APPL2: variants seen among roughly 807,000 people sequenced by gnomAD.
APPL2 encodes the protein DCC-interacting protein 13-beta.
In APPL2, 84 loss-of-function variants were observed where a neutral mutation model predicts 92.7. That is an observed-to-expected ratio of 0.91 (90% CI 0.76 to 1.09). The LOEUF (loss-of-function observed/expected upper bound fraction) is 1.09. APPL2 is among the 50% of genes least tolerant of loss of function. The probability of loss-of-function intolerance (pLI) is 0.00; values close to 1 mark genes in which losing one functional copy is unlikely to be tolerated. For synonymous variants in APPL2, 291 were observed against 291.0 expected (o/e 1.00, Z 0.00); for missense variants, 736 against 824.5 (o/e 0.89, Z 1.31).
In APPL2 at chr12:105,174,095, C is replaced by G; in HGVS notation, c.*219G>C. The stretch of plus-strand genomic sequence containing the variant: ...AGCGCAATCTAAGAAAAAAGACTTA[C>G]CACAAAGCACCTAAAATAACATTGT... On this transcript the variant is annotated 3_prime_UTR_variant, in exon 21 of 21. Coordinates refer to ENST00000258530, the MANE Select transcript of APPL2 (RefSeq NM_018171.5). The G allele has an allele frequency of 2.1e-6, 1 of 475,112 alleles. No homozygotes were observed. The allele number at this position is 475,112 out of a possible 1,614,324, so 29.4% of individuals were successfully genotyped here.
At chr12:105,211,988 G>A (rs190966069) in intron 4 of APPL2, among the ~76,000 whole-genome samples, 120 of 151,826 alleles carry the variant, frequency 7.9e-4, no homozygotes, top group Non-Finnish European at 1.5e-3. Context: ...GCATGGTGGC[G>A]GGCACCTGTA....
intron 17 of APPL2, among the ~76,000 whole-genome samples, chr12:105,187,895 T>C (rs1023548704): frequency 2.0e-5 from 3 of 152,112 alleles, no homozygotes; most frequent in African/African-American, 7.2e-5. Context: ...CTGCTCTCTC[T>C]GTGATGGCCA....
intron 8 of APPL2, among the ~76,000 whole-genome samples, chr12:105,206,093 T>A (rs1209203604): frequency 6.6e-6 from 1 of 152,246 alleles, no homozygotes; most frequent in Non-Finnish European, 1.5e-5. Flanking sequence ...CTGAGAGTAC[T>A]GTTCTGGCAG....
chr12:105,182,221 G>T (rs1033533555), intron 17 of APPL2, among the ~76,000 whole-genome samples: 1 of 152,154 alleles, frequency 6.6e-6, no homozygotes, highest in African/African-American at 2.4e-5. Flanking sequence ...TAGAGACAGG[G>T]TTTCATCATG....
rs564287159 is a variant in APPL2 at position 105,229,364 on chromosome 12, T to C, written c.55-141A>G. ...CCTGTTGGTTCCCTGGCTTCTTTTA[T>C]TGATAGTACCAGTACCATTTGATTC... On this transcript the variant is annotated intron_variant, in intron 1 of 20. Transcript: ENST00000258530. 3.6e-5 allele frequency: 32 copies of C among 888,922 alleles called. 1 individual carries two copies. The African/African-American group carries it at 4.4e-4, about 12-fold the overall frequency. 55.1% of individuals were successfully genotyped at this position (888,922 alleles called of 1,614,324 possible). A position where few individuals can be genotyped will look rare whatever the true frequency, so the allele number is the denominator to read the frequency against.
At chr12:105,199,850 G>A (rs1473217205) in intron 9 of APPL2, among the ~76,000 whole-genome samples, 3 of 151,068 alleles carry the variant, frequency 2.0e-5, no homozygotes, top group South Asian at 2.1e-4. Context: ...ATGGAATCTC[G>A]CTCTGTCGCC....
chr12:105,176,675 C>G, intron 19 of APPL2: 1 of 609,080 alleles, frequency 1.6e-6, no homozygotes, highest in South Asian at 2.6e-5. Flanking sequence ...TCACCCTATT[C>G]TGGTTGATAG....
chr12:105,236,090 C>A lies in APPL2; in HGVS notation c.-78G>T, dbSNP rs1410899918. The A allele has an allele frequency of 5.6e-6, 6 of 1,078,918 alleles. No homozygotes were observed. The highest frequency in any genetic ancestry group is 3.6e-5 in the East Asian group (1 of 28,100). The allele number at this position is 1,078,918 out of a possible 1,614,324, so 66.8% of individuals were successfully genotyped here. ...CGCGGCGGCCGAGAGCACTCCCCGG[C>A]TCTGGGCTCAGGCGACGCGGCGGCC... On this transcript the variant is annotated 5_prime_UTR_variant, in exon 1 of 21. Coordinates refer to ENST00000258530, the MANE Select transcript of APPL2 (RefSeq NM_018171.5).
intron 17 of APPL2, among the ~76,000 whole-genome samples, chr12:105,186,736 C>A (rs1385062727): frequency 3.7e-5 from 5 of 134,670 alleles, no homozygotes; most frequent in Non-Finnish European, 7.9e-5. Flanking sequence ...TCATATATAT[C>A]ATATATATAT....
At chr12:105,189,682 G>T in intron 16 of APPL2, 90 bp downstream of exon 16, 1 of 1,358,712 alleles carries the variant, frequency 7.4e-7, no homozygotes, top group Non-Finnish European at 1.1e-6. Context: ...CCTAATCATA[G>T]CTCTCTAAAA....
At chr12:105,181,340 T>C (rs949284525) in intron 17 of APPL2, among the ~76,000 whole-genome samples, 4 of 152,230 alleles carry the variant, frequency 2.6e-5, no homozygotes, top group African/African-American at 9.6e-5. Flanking sequence ...AGCTTTTTAA[T>C]GTGCTGCTGG....
intron 1 of APPL2, among the ~76,000 whole-genome samples, chr12:105,235,753 C>T (rs1328631694): frequency 4.6e-5 from 7 of 152,104 alleles, no homozygotes; most frequent in Admixed American, 3.9e-4. Context: ...GGCTCTCTCC[C>T]CTGTTCCACA....
chr12:105,213,638 A>G (rs2136032252), intron 4 of APPL2, among the ~76,000 whole-genome samples: 1 of 152,362 alleles, frequency 6.6e-6, no homozygotes, highest in East Asian at 1.9e-4. Flanking sequence ...ATTCCAACGC[A>G]TTCTATCAGG....
intron 5 of APPL2, among the ~76,000 whole-genome samples, chr12:105,209,289 C>A (rs756350709): frequency 2.6e-5 from 4 of 152,084 alleles, no homozygotes; most frequent in African/African-American, 4.8e-5. Context: ...TCAGGTATGA[C>A]CTGGGGCCAA....
rs957091590 is a variant in APPL2, at chr12:105,183,304, G to A, written c.1634+4969C>T. Among the ~76,000 whole-genome samples the A allele has an allele frequency of 8.5e-5, 13 of 152,186 alleles. No homozygotes were observed. The South Asian group carries it at 2.7e-3, about 32-fold the overall frequency. ...GTGAATGTGATCCTGTCATTATGAT[G>A]GTAGCTGGTTATTTTGCCTGTTAGT... On this transcript the variant is annotated intron_variant, in intron 17 of 20. Transcript: ENST00000258530.
At position 105,173,447 on chromosome 12, in the gene APPL2, C is replaced by T. The variant is rs1279878723; in HGVS notation, c.*867G>A. On this transcript the variant is annotated 3_prime_UTR_variant, in exon 21 of 21. Coordinates refer to ENST00000258530, the MANE Select transcript of APPL2 (RefSeq NM_018171.5). ...AGGGATGGGGGAGTGGGCTGGGGTT[C>T]CAGGAATTGGAAGTATCAGGGTGGA... 1 of 152,496 alleles carries T rather than the reference C, an allele frequency of 6.6e-6. No individual in the cohort carries two copies. The highest frequency in any genetic ancestry group is 2.4e-5 in the African/African-American group (1 of 41,380). The allele number at this position is 152,496 out of a possible 1,614,324, so 9.4% of individuals were successfully genotyped here.
Position 105,186,627 on chromosome 12 carries a change from C to CGATATA in APPL2, c.1634+1645_1634+1646insTATATC, listed in dbSNP as rs1555248024. Among the ~76,000 whole-genome samples, 242 of 100,260 alleles carry CGATATA rather than the reference C, an allele frequency of 2.4e-3. 6 individuals are homozygous for CGATATA. Among genetic ancestry groups the CGATATA allele is most frequent in the African/African-American group, 0.011 (220 of 19,810 alleles). The allele number at this position is 100,260 out of a possible 152,430, so 65.8% of individuals were successfully genotyped here. A position where few individuals can be genotyped will look rare whatever the true frequency, so the allele number is the denominator to read the frequency against. ...TTAAATATATATATCATATATATAT[C>CGATATA]ATATATATCATATATATGATATCGA... On this transcript the variant is annotated intron_variant, in intron 17 of 20. Coordinates refer to ENST00000258530, the MANE Select transcript of APPL2 (RefSeq NM_018171.5).
At chr12:105,203,040 C>G (rs1267159705) in intron 9 of APPL2, among the ~76,000 whole-genome samples, 1 of 118,276 alleles carries the variant, frequency 8.5e-6, no homozygotes, top group South Asian at 2.8e-4. Context: ...CACACACACA[C>G]ACACACACAC....
intron 2 of APPL2, among the ~76,000 whole-genome samples, chr12:105,223,211 C>T (rs549880238): frequency 3.3e-4 from 51 of 152,268 alleles, no homozygotes; most frequent in Non-Finnish European, 6.3e-4. Flanking sequence ...GTCTTCCTGA[C>T]GACAGGAACT....
Sources: allele counts gnomAD v4.1 joint callset (sites outside exome capture counted in the v4.1 genomes callset), GRCh38; gene constraint gnomAD v4.1.1; transcripts MANE v1.5; gene names NCBI Gene and HGNC (gene_info 2026-07-23, HGNC 2026-07-21).